Variants in FBN3 observed in about 807,000 individuals in gnomAD.
FBN3 encodes fibrillin-3.
A neutral mutation model predicts 330.1 loss-of-function variants in FBN3; 234 were observed. The observed-to-expected ratio is 0.71, with a 90% CI of 0.64 to 0.79. The LOEUF (loss-of-function observed/expected upper bound fraction) is 0.79. Ranked by LOEUF, FBN3 falls within the 30% of genes least tolerant of loss-of-function variation. FBN3 has a pLI of 0.00. For missense variants in FBN3, 3,606 were observed against 3,886.9 expected, an observed-to-expected ratio of 0.93 and a Z score of 1.92; for synonymous variants, 1,458 against 1,517.3, an observed-to-expected ratio of 0.96 and a Z score of 0.91.
At chr19:8,124,289 G>T (rs1248806581) in intron 22 of FBN3, among the ~76,000 whole-genome samples, 1 of 152,160 alleles carries the variant, frequency 6.6e-6, no homozygotes, top group Non-Finnish European at 1.5e-5. Flanking sequence ...TGTCACTCAG[G>T]CTGGAGTGCA....
At chr19:8,119,542 C>T (rs2082788564) in intron 25 of FBN3, among the ~76,000 whole-genome samples, 1 of 152,246 alleles carries the variant, frequency 6.6e-6, no homozygotes, top group Admixed American at 6.5e-5. Context: ...GAGATGGAGT[C>T]TCGCTCTGTT....
At chr19:8,113,292 G>A (rs893844934) in intron 30 of FBN3, among the ~76,000 whole-genome samples, 10 of 152,138 alleles carry the variant, frequency 6.6e-5, no homozygotes, top group African/African-American at 7.2e-5. Context: ...CCTGAGGCAT[G>A]GTTTCACTCT....
chr19:8,098,215 G>C (rs890466529), intron 41 of FBN3, among the ~76,000 whole-genome samples: 1 of 152,154 alleles, frequency 6.6e-6, no homozygotes, highest in Admixed American at 6.5e-5. Context: ...CAACCTAAGT[G>C]TCCATCAAAA....
intron 47 of FBN3, among the ~76,000 whole-genome samples, chr19:8,092,718 A>C (rs1216975392): frequency 3.3e-5 from 5 of 151,418 alleles, no homozygotes; most frequent in African/African-American, 9.7e-5. Context: ...AAAAAAAAAA[A>C]AAAAAAAAAA....
In FBN3 at chr19:8,146,172, T is replaced by C. The variant is rs1344355544; in HGVS notation, c.304A>G (p.Thr102Ala). The stretch of plus-strand genomic sequence containing the variant: ...GGAGCCAGCGTCCCATCCGCACAGG[T>C]GCACAGGTTGGGCTGGGAGCAGAAG... ...EGFCSQPNLCTCADGTLAPSC... is the reference protein window; with the variant it reads ...EGFCSQPNLCACADGTLAPSC... Residue 102 changes from threonine to alanine, a missense_variant, in exon 4 of 64, where the codon ACC becomes GCC. Physicochemically the swap from Thr to Ala is moderately conservative, Grantham distance 58. Transcript: ENST00000600128. 6.2e-7 allele frequency: 1 copy of C among 1,603,402 alleles called. No individual in the cohort carries two copies. The highest frequency in any genetic ancestry group is 8.5e-7 in the Non-Finnish European group (1 of 1,176,278).
intron 39 of FBN3, among the ~76,000 whole-genome samples, 184 bp downstream of exon 39, chr19:8,103,378 A>G (rs1247053773): frequency 6.6e-6 from 1 of 151,886 alleles, no homozygotes; most frequent in Admixed American, 6.6e-5. Context: ...GCAGTGCACA[A>G]CCTGAGCAAC....
chr19:8,094,330 G>T, intron 47 of FBN3, 116 bp downstream of exon 47: 2 of 1,100,118 alleles, frequency 1.8e-6, no homozygotes, highest in Non-Finnish European at 2.6e-6. Context: ...TGTGTTTGAC[G>T]CTGCGTTAAG....
chr19:8,131,539 C>A lies in FBN3; in HGVS notation c.1990+15G>T, dbSNP rs3813775. On this transcript the variant is annotated intron_variant, in intron 15 of 63. Coordinates refer to ENST00000600128, the MANE Select transcript of FBN3 (RefSeq NM_032447.5). This position sits in a 1 kb window ranked among gnomAD's most constrained non-coding sequence, Gnocchi z 4.5. ...GACCAAGGAGGCGATGGGGACCGGGCAGCCGGATGCTCACCGGAGTCTTTG... is the reference window on the plus strand; with the variant it reads ...GACCAAGGAGGCGATGGGGACCGGGAAGCCGGATGCTCACCGGAGTCTTTG... The A allele has an allele frequency of 0.071, 112,268 of 1,592,118 alleles. 5,508 individuals are homozygous for A. Among genetic ancestry groups the A allele is most frequent in the East Asian group, 0.24 (10,747 of 44,574 alleles).
rs1295441541 is a variant in FBN3 at position 8,096,543 on chromosome 19, T to G, written c.5440A>C (p.Asn1814His). The G allele has an allele frequency of 9.3e-6, 15 of 1,613,292 alleles. No individual in the cohort carries two copies. Among genetic ancestry groups the G allele is most frequent in the African/African-American group, 1.3e-5 (1 of 74,878 alleles). ...VGRNECREIP[N>H]VCSHGDCMDT... ...ATGCAGTCACCATGGCTACAGACAT[T>G]CGGGATCTCCCGACACTCATTCCGT... Residue 1814 changes from asparagine (N) to histidine (H), a missense_variant, in exon 44 of 64, where the codon AAT (asparagine) becomes CAT (histidine). Asn to His is a moderately conservative substitution (Grantham distance 68). Transcript: ENST00000600128. The surrounding 1 kb of genome is among the most constrained non-coding windows in gnomAD (Gnocchi z 4.6).
At chr19:8,146,736 A>T (rs889140166) in intron 3 of FBN3, among the ~76,000 whole-genome samples, 2 of 152,034 alleles carry the variant, frequency 1.3e-5, no homozygotes, top group African/African-American at 4.8e-5. Flanking sequence ...GGAGGCTGAG[A>T]TGGGAAAATC....
chr19:8,133,737 C>A (rs1407285115), intron 13 of FBN3, among the ~76,000 whole-genome samples: 1 of 152,010 alleles, frequency 6.6e-6, no homozygotes, highest in Middle Eastern at 3.4e-3. Context: ...CAGGCGTGAG[C>A]CACCGCGCCC....
intron 42 of FBN3, 68 bp downstream of exon 42, chr19:8,097,221 C>T (rs1047534398): frequency 6.4e-6 from 10 of 1,557,424 alleles, no homozygotes; most frequent in Non-Finnish European, 8.7e-6. Flanking sequence ...AGTTACTCGC[C>T]CAGATTGCAC....
intron 47 of FBN3, among the ~76,000 whole-genome samples, chr19:8,092,640 G>A (rs562161071): frequency 2.1e-5 from 3 of 143,054 alleles, no homozygotes; most frequent in Non-Finnish European, 3.0e-5. Flanking sequence ...GCTTGAACCC[G>A]GGAGGTGGAT....
At chr19:8,134,990 A>ATT (rs1422988028) in intron 13 of FBN3, among the ~76,000 whole-genome samples, 6 of 148,340 alleles carry the variant, frequency 4.0e-5, no homozygotes, top group African/African-American at 7.4e-5. Context: ...ATATATATAT[A>ATT]TTTTTTGAAA....
intron 13 of FBN3, among the ~76,000 whole-genome samples, chr19:8,134,372 G>A (rs1415805923): frequency 3.3e-5 from 5 of 152,254 alleles, no homozygotes; most frequent in South Asian, 2.1e-4. Context: ...TGAATGGATC[G>A]ACACACTGTG....
chr19:8,094,684 C>T, intron 46 of FBN3, 119 bp from the exon 47 acceptor site: 1 of 1,165,310 alleles, frequency 8.6e-7, no homozygotes, highest in South Asian at 1.6e-5. Flanking sequence ...CAAGCCCTCC[C>T]AGTGGCAATT....
At chr19:8,089,209 G>C (rs1348948149) in intron 51 of FBN3, among the ~76,000 whole-genome samples, 1 of 152,144 alleles carries the variant, frequency 6.6e-6, no homozygotes, top group Non-Finnish European at 1.5e-5. Context: ...GAGTGAATTG[G>C]TAAGTGAATG....
At chr19:8,135,936 G>GGGGGGGGGGGGGGGCCCCCCCCCCCCCC in intron 13 of FBN3, 25 bp downstream of exon 13, 44 of 668,650 alleles carry the variant, frequency 6.6e-5, no homozygotes, top group East Asian at 1.6e-4. Context: ...GGAAGCCCCT[G>GGGGGGGGGGGGGGGCCCCCCCCCCCCCC]CCCACCCGCC....
Position 8,065,869 on chromosome 19 carries a change from C to G in FBN3, c.*50G>C. The G allele has an allele frequency of 7.1e-7, 1 of 1,417,334 alleles. No individual in the cohort carries two copies. The highest frequency in any genetic ancestry group is 1.4e-5 in the South Asian group (1 of 73,586). The allele number at this position is 1,417,334 out of a possible 1,614,324, so 87.8% of individuals were successfully genotyped here. A position where few individuals can be genotyped will look rare whatever the true frequency, so the allele number is the denominator to read the frequency against. On this transcript the variant is annotated 3_prime_UTR_variant, in exon 64 of 64. Coordinates refer to ENST00000600128, the MANE Select transcript of FBN3 (RefSeq NM_032447.5). ...TTCTGGGGATCAGTCCTTCCCAGTT[C>G]CAGAATCCCCCTTCTCTGGACAGCT...
Sources: gnomAD v4.1 joint callset for allele counts (sites outside exome capture counted in the v4.1 genomes callset) on GRCh38, gnomAD v4.1.1 for gene constraint, Gnocchi (gnomAD v3.1) non-coding constraint, MANE v1.5 for transcripts, NCBI Gene and HGNC (gene_info 2026-07-23, HGNC 2026-07-21) for gene names.